Variants in ZFPM2 observed in about 807,000 individuals in gnomAD.
ZFPM2 encodes zinc finger protein, FOG family member 2, also known as zinc finger protein ZFPM2.
ZFPM2 carries 20 observed loss-of-function variants against 98.6 expected under a neutral mutation model. The ratio of observed to expected loss-of-function variants is 0.20; its 90% CI spans 0.14 to 0.29. The LOEUF is 0.29. Among genes scored for constraint, ZFPM2 ranks in the 10% least tolerant of loss-of-function variants. ZFPM2 has a pLI of 1.00. For synonymous variants in ZFPM2, 518 were observed against 502.7 expected (o/e 1.03, Z -0.41); for missense variants, 1,310 against 1,388.6 (o/e 0.94, Z 0.90).
intron 5 of ZFPM2, among the ~76,000 whole-genome samples, chr8:105,656,279 T>G (rs1817284730): frequency 6.6e-6 from 1 of 152,216 alleles, no homozygotes; most frequent in African/African-American, 2.4e-5. Context: ...GTTTTCTTAT[T>G]GACCCCTGGA....
chr8:105,527,187 A>G (rs1342312646), intron 3 of ZFPM2, among the ~76,000 whole-genome samples: 4 of 152,120 alleles, frequency 2.6e-5, no homozygotes, highest in Non-Finnish European at 4.4e-5. Context: ...GGGACGAGGT[A>G]TGATGCAGCA....
chr8:105,441,483 AAAG>A (rs1812246824), intron 2 of ZFPM2, among the ~76,000 whole-genome samples: 1 of 50,430 alleles, frequency 2.0e-5, no homozygotes, highest in African/African-American at 6.0e-5. Flanking sequence ...AGAAAGAAAG[AAAG>A]AAAGAAAGAA....
chr8:105,422,047 CAAA>C (rs747630701), intron 2 of ZFPM2, among the ~76,000 whole-genome samples: 2 of 51,572 alleles, frequency 3.9e-5, no homozygotes, highest in Non-Finnish European at 4.1e-5. Context: ...GACTCCATCT[CAAA>C]AAAAAAAAAA....
intron 3 of ZFPM2, among the ~76,000 whole-genome samples, chr8:105,553,104 C>G (rs1472521652): frequency 3.3e-5 from 5 of 152,050 alleles, no homozygotes; most frequent in Non-Finnish European, 5.9e-5. Flanking sequence ...AACCATTGTA[C>G]CCAGCCCATG....
intron 5 of ZFPM2, among the ~76,000 whole-genome samples, chr8:105,672,725 A>G (rs1817618845): frequency 6.6e-6 from 1 of 152,190 alleles, no homozygotes; most frequent in Admixed American, 6.5e-5. Flanking sequence ...AACTTTTAAA[A>G]TCACATTTCA....
chr8:105,700,559 G>GT (rs1479974477), intron 5 of ZFPM2, among the ~76,000 whole-genome samples: 2 of 148,454 alleles, frequency 1.3e-5, no homozygotes, highest in African/African-American at 2.4e-5. Flanking sequence ...ATCCCTAGGA[G>GT]TTTTTTGTTT....
chr8:105,604,186 A>G (rs1001773448), intron 4 of ZFPM2, among the ~76,000 whole-genome samples: 1 of 151,972 alleles, frequency 6.6e-6, no homozygotes, highest in Non-Finnish European at 1.5e-5. Flanking sequence ...ATCATCATTC[A>G]TCCAGTTTTT....
At chr8:105,699,834 C>A (rs1429831715) in intron 5 of ZFPM2, among the ~76,000 whole-genome samples, 1 of 152,004 alleles carries the variant, frequency 6.6e-6, no homozygotes, top group African/African-American at 2.4e-5. Context: ...ACTCAACATT[C>A]AACGAATATT....
Position 105,798,793 on chromosome 8 carries a change from T to C in ZFPM2, c.809T>C (p.Met270Thr), listed in dbSNP as rs747302776. The change falls in exon 7 of 8, where the codon ATG becomes ACG. Residue 270 changes from methionine (M) to threonine (T), a missense_variant. Transcript: ENST00000407775. ...RSERNLQAHL[M>T]YYCSGRQREA... is the part of the protein sequence containing the mutation. ...GAGCGGAATCTGCAGGCCCATTTGA[T>C]GTACTACTGCAGTGGGAGGCAAAGA... 6.2e-7 allele frequency: 1 copy of C among 1,613,792 alleles called. No homozygotes were observed. Among genetic ancestry groups the C allele is most frequent in the East Asian group, 2.2e-5 (1 of 44,880 alleles).
At chr8:105,660,189 C>T (rs1018672128) in intron 5 of ZFPM2, among the ~76,000 whole-genome samples, 2 of 151,842 alleles carry the variant, frequency 1.3e-5, no homozygotes, top group East Asian at 1.9e-4. Context: ...CTTAAAGGAC[C>T]GAGGCTGTAC....
intron 3 of ZFPM2, among the ~76,000 whole-genome samples, chr8:105,477,574 G>A (rs1813037639): frequency 6.6e-6 from 1 of 151,820 alleles, no homozygotes; most frequent in Admixed American, 6.6e-5. Flanking sequence ...GTATTTTAAA[G>A]CTATCCACCA....
chr8:105,622,137 A>C (rs1816564642), intron 4 of ZFPM2, among the ~76,000 whole-genome samples: 1 of 152,020 alleles, frequency 6.6e-6, no homozygotes, highest in Non-Finnish European at 1.5e-5. Context: ...TTATCTGGCA[A>C]AAATAAATAA....
chr8:105,713,006 G>A (rs890705850), intron 5 of ZFPM2, among the ~76,000 whole-genome samples: 3 of 151,988 alleles, frequency 2.0e-5, no homozygotes, highest in Non-Finnish European at 2.9e-5. Context: ...ATGAGTGCAG[G>A]TGTTTCTTGG....
At chr8:105,697,189 A>G (rs1270651332) in intron 5 of ZFPM2, among the ~76,000 whole-genome samples, 4 of 152,108 alleles carry the variant, frequency 2.6e-5, no homozygotes, top group African/African-American at 4.8e-5. Flanking sequence ...TGTCTTACCT[A>G]CCTCCCAAAT....
chr8:105,349,949 A>G (rs552748056), intron 1 of ZFPM2, among the ~76,000 whole-genome samples: 1 of 152,280 alleles, frequency 6.6e-6, no homozygotes, highest in Admixed American at 6.5e-5. Flanking sequence ...ACATTATACT[A>G]TAAGGCACTT....
intron 5 of ZFPM2, among the ~76,000 whole-genome samples, chr8:105,704,725 T>G (rs1811217393): frequency 6.6e-6 from 1 of 152,186 alleles, no homozygotes; most frequent in African/African-American, 2.4e-5. Context: ...TTGAGAAACA[T>G]CTGCAACACT....
chr8:105,372,421 T>C (rs1257323155), intron 1 of ZFPM2, among the ~76,000 whole-genome samples: 2 of 152,206 alleles, frequency 1.3e-5, no homozygotes, highest in Non-Finnish European at 2.9e-5. Flanking sequence ...GCAAAGGGTA[T>C]GTGCATGTTT....
intron 4 of ZFPM2, among the ~76,000 whole-genome samples, chr8:105,615,690 G>A (rs1435580269): frequency 6.6e-6 from 1 of 152,094 alleles, no homozygotes; most frequent in African/African-American, 2.4e-5. Context: ...CATCTATTTA[G>A]AGTACATGAA....
intron 3 of ZFPM2, among the ~76,000 whole-genome samples, chr8:105,476,394 G>T (rs547240415): frequency 6.6e-6 from 1 of 152,140 alleles, no homozygotes; most frequent in African/African-American, 2.4e-5. Flanking sequence ...TAGGTTGCAC[G>T]CTCCTTATGA....
Sources: gnomAD v4.1 joint callset for allele counts (sites outside exome capture counted in the v4.1 genomes callset) on GRCh38, gnomAD v4.1.1 for gene constraint, MANE v1.5 for transcripts, NCBI Gene and HGNC (gene_info 2026-07-23, HGNC 2026-07-21) for gene names.